The following NTM variants were observed in gnomAD, a reference collection of about 807,000 sequenced individuals.
NTM encodes the protein neurotrimin.
In NTM, 13 loss-of-function variants were observed where a neutral mutation model predicts 42.1. That is an observed-to-expected ratio of 0.31 (90% CI 0.20 to 0.49). The LOEUF is 0.49. Ranked by LOEUF, NTM falls within the 20% of genes least tolerant of loss-of-function variation. The pLI is 0.99. For missense variants in NTM, 373 were observed against 452.8 expected (o/e 0.82, Z 1.60); for synonymous variants, 187 against 179.2 (o/e 1.04, Z -0.35).
At chr11:131,790,989 G>T (rs994284455) in intron 1 of NTM, among the ~76,000 whole-genome samples, 1 of 152,154 alleles carries the variant, frequency 6.6e-6, no homozygotes, top group Admixed American at 6.5e-5. Flanking sequence ...ATGCTTTAAG[G>T]TTTACAAAAC....
At chr11:131,860,511 C>T (rs761325004) in intron 1 of NTM, among the ~76,000 whole-genome samples, 2 of 152,222 alleles carry the variant, frequency 1.3e-5, no homozygotes, top group Admixed American at 1.3e-4. Context: ...GGACGCTGGT[C>T]ATATCGTCAC....
At chr11:132,028,832 T>C (rs983443117) in intron 2 of NTM, among the ~76,000 whole-genome samples, 5 of 152,162 alleles carry the variant, frequency 3.3e-5, no homozygotes, top group Non-Finnish European at 2.9e-5. Flanking sequence ...GCTCTCCCCC[T>C]GCTGGATGCA....
At chr11:131,926,275 A>G (rs1369458424) in intron 2 of NTM, among the ~76,000 whole-genome samples, 1 of 152,204 alleles carries the variant, frequency 6.6e-6, no homozygotes, top group Non-Finnish European at 1.5e-5. Flanking sequence ...CACAAGCTGC[A>G]CAACTGTACT....
chr11:132,082,173 A>G (rs2059154722), intron 2 of NTM, among the ~76,000 whole-genome samples: 1 of 152,050 alleles, frequency 6.6e-6, no homozygotes, highest in South Asian at 2.1e-4. Context: ...GGTCCTGGGA[A>G]TGATGCAGAA....
At chr11:132,151,328 GA>G (rs2071860430) in intron 3 of NTM, among the ~76,000 whole-genome samples, 1 of 152,192 alleles carries the variant, frequency 6.6e-6, no homozygotes, top group Admixed American at 6.5e-5. Flanking sequence ...GTGTTTCTAA[GA>G]ACCCATGAAT....
chr11:131,420,095 T>A (rs114375578), intron 1 of NTM, among the ~76,000 whole-genome samples: 1 of 152,318 alleles, frequency 6.6e-6, no homozygotes, highest in South Asian at 2.1e-4. Context: ...AGGGACCATT[T>A]GTCCCTAAGG....
At chr11:131,651,114 A>G (rs2066424648) in intron 1 of NTM, among the ~76,000 whole-genome samples, 1 of 152,240 alleles carries the variant, frequency 6.6e-6, no homozygotes. Context: ...GACTGTTCTC[A>G]AAAGTATTTT....
rs575411342 is a variant in NTM at position 132,297,048 on chromosome 11, T to G, written c.527-10641T>G. Among the ~76,000 whole-genome samples the G allele has an allele frequency of 2.6e-4, 40 of 152,326 alleles. No homozygotes were observed. The East Asian group carries it at 6.6e-3, about 25-fold the overall frequency. On this transcript the variant is annotated intron_variant, in intron 4 of 8. Transcript: ENST00000683400. ...TCTCCTGAGGCCCAAACAATCCTAC[T>G]CCAATAGGCTTCCTGCTCTTCTGTA...
At chr11:131,665,380 A>G (rs2068860559) in intron 1 of NTM, among the ~76,000 whole-genome samples, 3 of 152,230 alleles carry the variant, frequency 2.0e-5, no homozygotes, top group African/African-American at 4.8e-5. Flanking sequence ...TGAGCTGAAC[A>G]GGGTCTTTCC....
intron 2 of NTM, among the ~76,000 whole-genome samples, chr11:132,082,138 T>G (rs1375063038): frequency 1.3e-5 from 2 of 152,010 alleles, no homozygotes; most frequent in East Asian, 3.9e-4. Context: ...ATCCTAGCCA[T>G]TTAGTCCATC....
At chr11:132,332,302 T>G (rs1297199544) in intron 8 of NTM, 1 of 152,634 alleles carries the variant, frequency 6.6e-6, no homozygotes, top group Non-Finnish European at 1.5e-5. Flanking sequence ...AGAGACAGGT[T>G]CCGGGGGTGG....
rs145235708 is a variant in NTM, at chr11:131,788,725, T to A, written c.83-122839T>A. ...TCCTCCCCACTTACCTCACAGCAAA[T>A]CTTTGGTATTTTTTAGGGTGCTTCT... is the stretch of plus-strand genomic sequence containing the variant. On this transcript the variant is annotated intron_variant, in intron 1 of 8. Coordinates refer to ENST00000683400, the MANE Select transcript of NTM (RefSeq NM_001352005.2). Among the ~76,000 whole-genome samples, 20 of 152,270 alleles carry A rather than the reference T, an allele frequency of 1.3e-4. No individual in the cohort carries two copies. In the East Asian group the frequency reaches 3.5e-3, roughly 26 times the overall value.
chr11:132,305,197 C>T (rs953592926), intron 4 of NTM, among the ~76,000 whole-genome samples: 5 of 152,178 alleles, frequency 3.3e-5, no homozygotes, highest in South Asian at 2.1e-4. Context: ...CTGCAAATCT[C>T]GCTGTGGCCA....
intron 2 of NTM, among the ~76,000 whole-genome samples, chr11:132,025,873 C>G (rs1463801978): frequency 6.6e-6 from 1 of 152,200 alleles, no homozygotes; most frequent in Non-Finnish European, 1.5e-5. Flanking sequence ...CTAAGCCCTT[C>G]CCTTCCCTTT....
intron 1 of NTM, among the ~76,000 whole-genome samples, chr11:131,619,257 T>C (rs2062271876): frequency 2.0e-5 from 3 of 152,210 alleles, no homozygotes; most frequent in Admixed American, 2.0e-4. Flanking sequence ...GCCATGGTTA[T>C]CAAGGAAGTT....
chr11:131,730,940 A>G (rs1460765708), intron 1 of NTM, among the ~76,000 whole-genome samples: 1 of 152,206 alleles, frequency 6.6e-6, no homozygotes. Flanking sequence ...ACCAAGTTTC[A>G]CTATAAAAAA....
chr11:131,814,351 TG>T (rs2092860908), intron 1 of NTM, among the ~76,000 whole-genome samples: 1 of 152,124 alleles, frequency 6.6e-6, no homozygotes, highest in African/African-American at 2.4e-5. Flanking sequence ...AGCCCACACC[TG>T]GCACCACTCC....
At chr11:131,994,015 A>AG (rs1565903991) in intron 2 of NTM, among the ~76,000 whole-genome samples, 3 of 134,322 alleles carry the variant, frequency 2.2e-5, no homozygotes, top group African/African-American at 8.5e-5. Context: ...AAAAAAAAAA[A>AG]AAAAGAAGAA....
At chr11:131,382,072 T>A (rs1300935986) in intron 1 of NTM, among the ~76,000 whole-genome samples, 1 of 152,238 alleles carries the variant, frequency 6.6e-6, no homozygotes, top group Non-Finnish European at 1.5e-5. Flanking sequence ...AATTTTTTCA[T>A]AGTAAGAATA....
Sources: allele counts gnomAD v4.1 joint callset (sites outside exome capture counted in the v4.1 genomes callset), GRCh38; gene constraint gnomAD v4.1.1; transcripts MANE v1.5; gene names NCBI Gene and HGNC (gene_info 2026-07-23, HGNC 2026-07-21).